MMP16: variants seen among roughly 807,000 people sequenced by gnomAD.
MMP16 encodes matrix metalloproteinase-16.
MMP16 carries 12 observed loss-of-function variants against 67.8 expected under a neutral mutation model. The ratio of observed to expected loss-of-function variants is 0.18; its 90% CI spans 0.11 to 0.29. The LOEUF (loss-of-function observed/expected upper bound fraction) is 0.29. Among genes scored for constraint, MMP16 ranks in the 10% least tolerant of loss-of-function variants. The pLI is 1.00. For synonymous variants in MMP16, 249 were observed against 255.9 expected (o/e 0.97, Z 0.26); for missense variants, 475 against 765.7 (o/e 0.62, Z 4.48).
chr8:88,286,826 C>T lies in MMP16; in HGVS notation c.132+40249G>A, dbSNP rs147938497. The stretch of plus-strand genomic sequence containing the variant: ...GACCTCGTGATCTGCCCACCTCAGC[C>T]TCCCAAAGTGCTGGGATTACAGGCA... On this transcript the variant is annotated intron_variant, in intron 1 of 9. Transcript: ENST00000286614. 2.7e-3 allele frequency among the ~76,000 whole-genome samples: 406 copies of T among 152,246 alleles called. 4 individuals are homozygous for T. In the East Asian group the frequency reaches 0.048, roughly 18 times the overall value.
chr8:88,124,373 A>G, intron 4 of MMP16, among the ~76,000 whole-genome samples: 1 of 151,994 alleles, frequency 6.6e-6, no homozygotes, highest in Non-Finnish European at 1.5e-5. Context: ...TATTATTACC[A>G]TTCTACAGAC....
intron 2 of MMP16, among the ~76,000 whole-genome samples, chr8:88,194,586 G>GA (rs905197885): frequency 2.6e-5 from 4 of 151,910 alleles, no homozygotes; most frequent in African/African-American, 4.8e-5. Context: ...TGCGACAGCA[G>GA]AAAAAAATAG....
chr8:88,281,920 A>G (rs1208317166), intron 1 of MMP16, among the ~76,000 whole-genome samples: 6 of 152,132 alleles, frequency 3.9e-5, no homozygotes, highest in Admixed American at 3.3e-4. Context: ...CACAAGCCCC[A>G]TCCACAAGCT....
intron 2 of MMP16, among the ~76,000 whole-genome samples, chr8:88,196,730 G>T (rs1809262889): frequency 6.6e-6 from 1 of 151,976 alleles, no homozygotes; most frequent in Admixed American, 6.6e-5. Context: ...AATTTGTGTT[G>T]TTTCCTAGTT....
intron 8 of MMP16, among the ~76,000 whole-genome samples, chr8:88,052,225 A>G (rs1808280002): frequency 6.6e-6 from 1 of 152,118 alleles, no homozygotes; most frequent in Non-Finnish European, 1.5e-5. Context: ...AAGCATGGAC[A>G]TTTCAATCTC....
chr8:88,239,873 T>A (rs1810007425), intron 1 of MMP16, among the ~76,000 whole-genome samples: 1 of 152,216 alleles, frequency 6.6e-6, no homozygotes, highest in Non-Finnish European at 1.5e-5. Flanking sequence ...ACTAATATGC[T>A]CTACTTTTAT....
chr8:88,188,926 A>T (rs1809122451), intron 2 of MMP16, among the ~76,000 whole-genome samples: 1 of 152,186 alleles, frequency 6.6e-6, no homozygotes, highest in South Asian at 2.1e-4. Flanking sequence ...AAGTGCTGGG[A>T]TTACAGGCAT....
At chr8:88,064,143 A>G (rs966412909) in intron 7 of MMP16, among the ~76,000 whole-genome samples, 1 of 152,090 alleles carries the variant, frequency 6.6e-6, no homozygotes, top group Non-Finnish European at 1.5e-5. Context: ...TTACCTTGCA[A>G]TGAAAGAGTT....
rs184099762 is a variant in MMP16 at position 88,086,314 on chromosome 8, C to G, written c.1084-11571G>C. Among the ~76,000 whole-genome samples the G allele has an allele frequency of 5.9e-4, 89 of 152,060 alleles. 1 individual carries two copies. The highest frequency in any genetic ancestry group is 7.5e-4 in the Non-Finnish European group (51 of 67,996). ...AAATTCCAGATAAGAATGCACCACA[C>G]ATTACTGCTGTATGATATTCTGATT... On this transcript the variant is annotated intron_variant, in intron 6 of 9. Coordinates refer to ENST00000286614, the MANE Select transcript of MMP16 (RefSeq NM_005941.5).
chr8:88,124,338 C>T (rs1415196945), intron 4 of MMP16, among the ~76,000 whole-genome samples: 3 of 151,916 alleles, frequency 2.0e-5, no homozygotes, highest in Non-Finnish European at 4.4e-5. Context: ...TTCATCTACT[C>T]TCTGCCATAT....
chr8:88,272,044 T>C (rs937759311), intron 1 of MMP16, among the ~76,000 whole-genome samples: 1 of 152,192 alleles, frequency 6.6e-6, no homozygotes. Flanking sequence ...GAAGATTAAA[T>C]GGGACAATAT....
intron 6 of MMP16, among the ~76,000 whole-genome samples, chr8:88,107,977 C>A (rs1017270174): frequency 6.6e-6 from 1 of 151,068 alleles, no homozygotes; most frequent in East Asian, 2.0e-4. Context: ...ATAGAAAAAT[C>A]ATCTTAGGTA....
At chr8:88,070,213 G>A (rs185527466) in intron 7 of MMP16, among the ~76,000 whole-genome samples, 190 of 152,058 alleles carry the variant, frequency 1.2e-3, no homozygotes, top group Middle Eastern at 0.01. Context: ...TACCTTGTTG[G>A]GTCAGTATCT....
intron 1 of MMP16, among the ~76,000 whole-genome samples, chr8:88,265,223 CTTTTTT>C (rs398008661): frequency 7.9e-5 from 8 of 100,780 alleles, no homozygotes; most frequent in South Asian, 3.6e-4. Context: ...TGACCATTTC[CTTTTTT>C]TTTTTTTTTT....
chr8:88,134,116 A>C (rs1808079781), intron 4 of MMP16, among the ~76,000 whole-genome samples: 1 of 151,842 alleles, frequency 6.6e-6, no homozygotes, highest in Non-Finnish European at 1.5e-5. Context: ...ATGAATATGC[A>C]ATTTTAAATT....
At chr8:88,300,084 A>G (rs1465323957) in intron 1 of MMP16, among the ~76,000 whole-genome samples, 1 of 152,230 alleles carries the variant, frequency 6.6e-6, no homozygotes, top group Non-Finnish European at 1.5e-5. Context: ...AATGCAGACC[A>G]CATGTAAGTG....
intron 8 of MMP16, among the ~76,000 whole-genome samples, chr8:88,047,594 T>C (rs1808214613): frequency 6.6e-6 from 1 of 152,108 alleles, no homozygotes; most frequent in South Asian, 2.1e-4. Flanking sequence ...GAATTGAAAA[T>C]TCCTGTGGCA....
chr8:88,302,398 A>G lies in MMP16; in HGVS notation c.132+24677T>C, dbSNP rs78100111. ...TTGTTTTTCTCAGTCACACTAGTGC[A>G]GAACTCTGCCTCATTTAGTCTAATT... On this transcript the variant is annotated intron_variant, in intron 1 of 9. Transcript: ENST00000286614. Among the ~76,000 whole-genome samples the G allele has an allele frequency of 1.6e-4, 25 of 152,324 alleles. No homozygotes were observed. In the East Asian group the frequency reaches 4.8e-3, roughly 29 times the overall value.
intron 2 of MMP16, among the ~76,000 whole-genome samples, chr8:88,193,570 T>A (rs1809204107): frequency 6.6e-6 from 1 of 151,994 alleles, no homozygotes; most frequent in Non-Finnish European, 1.5e-5. Context: ...TATTGCATAT[T>A]TAACTAAAAG....
Sources: gnomAD v4.1 joint callset for allele counts (sites outside exome capture counted in the v4.1 genomes callset) on GRCh38, gnomAD v4.1.1 for gene constraint, MANE v1.5 for transcripts, NCBI Gene and HGNC (gene_info 2026-07-23, HGNC 2026-07-21) for gene names.